The following GALNTL6 variants were observed in gnomAD, a reference collection of about 807,000 sequenced individuals.
The protein encoded by GALNTL6 is polypeptide N-acetylgalactosaminyltransferase like 6.
A neutral mutation model predicts 73.7 loss-of-function variants in GALNTL6; 46 were observed. That is an observed-to-expected ratio of 0.62 (90% CI 0.49 to 0.80). GALNTL6 has a LOEUF of 0.80. Among genes scored for constraint, GALNTL6 ranks in the 30% least tolerant of loss-of-function variants. The pLI, the probability that GALNTL6 is intolerant of heterozygous loss-of-function variation, is 0.00. For synonymous variants in GALNTL6, 259 were observed against 263.7 expected (o/e 0.98, Z 0.17); for missense variants, 604 against 755.0 (o/e 0.80, Z 2.34).
intron 2 of GALNTL6, among the ~76,000 whole-genome samples, chr4:172,074,057 C>T (rs1363793499): frequency 6.6e-6 from 1 of 152,160 alleles, no homozygotes; most frequent in Non-Finnish European, 1.5e-5. Flanking sequence ...ACAACTGTTT[C>T]ATAGTTTATT....
At chr4:172,676,882 C>G (rs10520242) in intron 5 of GALNTL6, among the ~76,000 whole-genome samples, 1 of 152,194 alleles carries the variant, frequency 6.6e-6, no homozygotes, top group Non-Finnish European at 1.5e-5. Context: ...TTTCAGGGCT[C>G]TCTAACATTT....
At chr4:172,647,886 C>A (rs564338974) in intron 5 of GALNTL6, among the ~76,000 whole-genome samples, 1 of 152,202 alleles carries the variant, frequency 6.6e-6, no homozygotes, top group Admixed American at 6.6e-5. Flanking sequence ...ACAATACTGT[C>A]ATTAAATTTA....
intron 5 of GALNTL6, among the ~76,000 whole-genome samples, chr4:172,607,689 T>C (rs1738359934): frequency 6.6e-6 from 1 of 152,228 alleles, no homozygotes; most frequent in African/African-American, 2.4e-5. Flanking sequence ...CCACAGTGGC[T>C]GAACTAATTT....
At position 172,673,353 on chromosome 4, in the gene GALNTL6, C is replaced by T. The variant is rs550858192; in HGVS notation, c.554-136008C>T. On this transcript the variant is annotated intron_variant, in intron 5 of 12. Coordinates refer to ENST00000506823, the MANE Select transcript of GALNTL6 (RefSeq NM_001034845.3). Reference sequence around the variant, plus strand: ...TCCAAGAGATTGTTTGTTATGATTTCGGTTCTTTTGCATTTGCTGAGAATG... The same window carrying T: ...TCCAAGAGATTGTTTGTTATGATTTTGGTTCTTTTGCATTTGCTGAGAATG... Among the ~76,000 whole-genome samples the T allele has an allele frequency of 2.0e-4, 31 of 152,224 alleles. No homozygotes were observed. In the South Asian group the frequency reaches 6.0e-3, roughly 30 times the overall value.
intron 2 of GALNTL6, among the ~76,000 whole-genome samples, chr4:171,853,325 T>C (rs1434223022): frequency 2.6e-5 from 4 of 152,054 alleles, no homozygotes; most frequent in African/African-American, 7.2e-5. Flanking sequence ...ATTTACCTGC[T>C]GGTAAGTTTT....
At chr4:171,948,269 G>A (rs534640265) in intron 2 of GALNTL6, among the ~76,000 whole-genome samples, 3 of 152,232 alleles carry the variant, frequency 2.0e-5, no homozygotes, top group African/African-American at 4.8e-5. Context: ...ATGAGTCTGC[G>A]GTACCTGTCA....
At chr4:172,876,063 A>G (rs920264240) in intron 7 of GALNTL6, among the ~76,000 whole-genome samples, 4 of 152,218 alleles carry the variant, frequency 2.6e-5, no homozygotes, top group Non-Finnish European at 4.4e-5. Flanking sequence ...ATTTATGGCT[A>G]TAGTTTGGTT....
intron 5 of GALNTL6, among the ~76,000 whole-genome samples, chr4:172,536,490 T>A (rs1353150804): frequency 2.0e-5 from 3 of 152,068 alleles, no homozygotes; most frequent in Non-Finnish European, 4.4e-5. Flanking sequence ...AGATGAGGAA[T>A]GTTTTGGGAA....
At chr4:171,925,128 G>A (rs899812028) in intron 2 of GALNTL6, among the ~76,000 whole-genome samples, 1 of 152,152 alleles carries the variant, frequency 6.6e-6, no homozygotes, top group African/African-American at 2.4e-5. Context: ...TGCACAAACA[G>A]GAGCATATGC....
intron 2 of GALNTL6, among the ~76,000 whole-genome samples, chr4:172,199,818 A>C (rs1735898225): frequency 6.6e-6 from 1 of 152,150 alleles, no homozygotes; most frequent in African/African-American, 2.4e-5. Flanking sequence ...GGCATTCAAA[A>C]GTAAAATAGT....
At chr4:171,856,456 T>TG in intron 2 of GALNTL6, among the ~76,000 whole-genome samples, 1 of 152,250 alleles carries the variant, frequency 6.6e-6, no homozygotes, top group Middle Eastern at 3.4e-3. Flanking sequence ...ATCAATTTTT[T>TG]ATGAATCATA....
intron 4 of GALNTL6, among the ~76,000 whole-genome samples, chr4:172,344,981 C>T (rs1372279719): frequency 1.3e-5 from 2 of 151,982 alleles, no homozygotes; most frequent in African/African-American, 2.4e-5. Flanking sequence ...CAACAATGAC[C>T]GTAATAATGA....
intron 5 of GALNTL6, among the ~76,000 whole-genome samples, chr4:172,383,379 ATTG>A (rs1465484734): frequency 6.6e-6 from 1 of 152,070 alleles, no homozygotes; most frequent in Non-Finnish European, 1.5e-5. Flanking sequence ...TATAAATAAA[ATTG>A]TTTTCTTCAT....
intron 2 of GALNTL6, among the ~76,000 whole-genome samples, chr4:172,069,571 ATATGTTATATATT>A (rs1349555364): frequency 3.9e-5 from 1 of 25,394 alleles, no homozygotes; most frequent in African/African-American, 1.3e-4. Flanking sequence ...TATAACACAT[ATATGTTATATATT>A]ATATATATAA....
At chr4:171,915,642 A>C (rs1216754476) in intron 2 of GALNTL6, among the ~76,000 whole-genome samples, 1 of 152,202 alleles carries the variant, frequency 6.6e-6, no homozygotes, top group Non-Finnish European at 1.5e-5. Flanking sequence ...TACCACAAGA[A>C]TTTGTTAAAA....
intron 3 of GALNTL6, among the ~76,000 whole-genome samples, chr4:172,271,032 T>C (rs563296006): frequency 7.2e-5 from 11 of 152,304 alleles, no homozygotes; most frequent in African/African-American, 2.4e-4. Context: ...CAGTCTGAAG[T>C]AGTTTTTAAA....
chr4:172,743,271 G>C (rs995669311), intron 5 of GALNTL6, among the ~76,000 whole-genome samples: 1 of 151,992 alleles, frequency 6.6e-6, no homozygotes, highest in Non-Finnish European at 1.5e-5. Flanking sequence ...GCCTAGAGTT[G>C]TTGCAGAGCC....
chr4:172,645,306 A>T (rs187432648), intron 5 of GALNTL6, among the ~76,000 whole-genome samples: 2 of 152,066 alleles, frequency 1.3e-5, no homozygotes, highest in Non-Finnish European at 2.9e-5. Flanking sequence ...TTATAATTTC[A>T]TCAAGAAGTT....
intron 2 of GALNTL6, among the ~76,000 whole-genome samples, chr4:172,045,992 G>T (rs1477462922): frequency 4.6e-5 from 7 of 151,910 alleles, no homozygotes; most frequent in East Asian, 1.9e-4. Flanking sequence ...ATAATGTTCT[G>T]CAATACCATC....
Sources: allele counts gnomAD v4.1 joint callset (sites outside exome capture counted in the v4.1 genomes callset), GRCh38; gene constraint gnomAD v4.1.1; transcripts MANE v1.5; gene names NCBI Gene and HGNC (gene_info 2026-07-23, HGNC 2026-07-21).